FGGY: variants seen among roughly 807,000 people sequenced by gnomAD.
FGGY encodes the protein FGGY carbohydrate kinase domain containing, also known as FGGY carbohydrate kinase domain-containing protein.
Under a neutral mutation model 71.3 loss-of-function variants are expected in FGGY, and 72 were observed. The observed-to-expected ratio is 1.01, with a 90% confidence interval of 0.84 to 1.23. The LOEUF is 1.23. Ranked by LOEUF, FGGY falls within the 50% of genes most tolerant of loss-of-function variation. The pLI is 0.00. For missense variants in FGGY, 668 were observed against 682.3 expected, an observed-to-expected ratio of 0.98 and a Z score of 0.23; for synonymous variants, 251 against 250.3, an observed-to-expected ratio of 1.00 and a Z score of -0.02.
At chr1:59,297,899 C>G (rs2042201564) in intron 1 of FGGY, among the ~76,000 whole-genome samples, 1 of 151,910 alleles carries the variant, frequency 6.6e-6, no homozygotes, top group South Asian at 2.1e-4. Flanking sequence ...ACTTCTGTGT[C>G]TTAACACAAA....
chr1:59,600,332 A>G (rs2096564845), intron 8 of FGGY, among the ~76,000 whole-genome samples: 1 of 152,216 alleles, frequency 6.6e-6, no homozygotes, highest in African/African-American at 2.4e-5. Flanking sequence ...ATAACGTGCC[A>G]TCCTTCATCC....
At chr1:59,381,446 T>C (rs534446714) in intron 5 of FGGY, among the ~76,000 whole-genome samples, 26 of 152,302 alleles carry the variant, frequency 1.7e-4, no homozygotes, top group African/African-American at 6.0e-4. Flanking sequence ...TTTTTCACTT[T>C]TTAAACTTTT....
At chr1:59,469,829 T>G (rs1043129372) in intron 6 of FGGY, among the ~76,000 whole-genome samples, 2 of 152,184 alleles carry the variant, frequency 1.3e-5, no homozygotes, top group South Asian at 4.1e-4. Context: ...AGTTCCCACT[T>G]AAAAGTGAGA....
intron 5 of FGGY, among the ~76,000 whole-genome samples, chr1:59,430,405 C>T (rs1247304970): frequency 3.9e-5 from 6 of 152,008 alleles, no homozygotes; most frequent in African/African-American, 1.4e-4. Flanking sequence ...GGTGTAAAAT[C>T]CCGGTGCAGG....
chr1:59,638,129 A>G (rs2096980287), intron 10 of FGGY, 99 bp from the exon 11 acceptor site: 2 of 1,225,498 alleles, frequency 1.6e-6, no homozygotes, highest in South Asian at 2.9e-5. Context: ...GAGCCTGCTT[A>G]CTTTCCTGGA....
intron 4 of FGGY, among the ~76,000 whole-genome samples, chr1:59,363,564 G>A (rs113109315): frequency 2.4e-4 from 36 of 152,168 alleles, no homozygotes; most frequent in Non-Finnish European, 3.2e-4. Flanking sequence ...CTAGAGCCAG[G>A]ATATTCACTC....
At chr1:59,680,426 G>A (rs1273420603) in intron 14 of FGGY, among the ~76,000 whole-genome samples, 1 of 143,420 alleles carries the variant, frequency 7.0e-6, no homozygotes, top group Non-Finnish European at 1.5e-5. Context: ...TATTCTTATT[G>A]CCACACCTGG....
intron 12 of FGGY, among the ~76,000 whole-genome samples, chr1:59,666,545 T>G (rs902155471): frequency 1.3e-5 from 2 of 152,204 alleles, no homozygotes; most frequent in African/African-American, 4.8e-5. Context: ...ATAATGGTTT[T>G]TACTGAGTTT....
intron 14 of FGGY, among the ~76,000 whole-genome samples, chr1:59,753,266 C>A (rs1042542797): frequency 2.6e-5 from 4 of 151,806 alleles, no homozygotes; most frequent in Non-Finnish European, 5.9e-5. Flanking sequence ...AGATTTCCTG[C>A]AGCCAAGTGG....
intron 6 of FGGY, among the ~76,000 whole-genome samples, chr1:59,462,170 T>G (rs1345938915): frequency 6.6e-6 from 1 of 152,140 alleles, no homozygotes; most frequent in Non-Finnish European, 1.5e-5. Flanking sequence ...TACAACTATC[T>G]GATCTTTGAC....
At chr1:59,726,417 G>A (rs968010575) in intron 14 of FGGY, among the ~76,000 whole-genome samples, 14 of 151,970 alleles carry the variant, frequency 9.2e-5, no homozygotes, top group African/African-American at 3.1e-4. Flanking sequence ...TCTGGTTTTG[G>A]TAATAGGGTA....
intron 11 of FGGY, among the ~76,000 whole-genome samples, chr1:59,643,990 A>G (rs12082002): frequency 2.6e-5 from 4 of 152,180 alleles, no homozygotes; most frequent in Admixed American, 6.5e-5. Context: ...GAGTTTAAAC[A>G]TGCATTATAC....
intron 2 of FGGY, among the ~76,000 whole-genome samples, chr1:59,336,284 C>T (rs954084858): frequency 4.6e-5 from 7 of 152,044 alleles, no homozygotes; most frequent in African/African-American, 1.7e-4. Flanking sequence ...AGCCAATTGC[C>T]ATAAATGGGT....
At chr1:59,625,636 G>C (rs1247830435) in intron 9 of FGGY, among the ~76,000 whole-genome samples, 1 of 152,094 alleles carries the variant, frequency 6.6e-6, no homozygotes, top group East Asian at 1.9e-4. Flanking sequence ...ATCCAGAAAA[G>C]GTTGGTGCTT....
intron 6 of FGGY, among the ~76,000 whole-genome samples, chr1:59,497,776 A>G (rs755301807): frequency 5.3e-5 from 8 of 152,092 alleles, no homozygotes; most frequent in Non-Finnish European, 1.0e-4. Context: ...TCCCCATGTC[A>G]GTTGGCTCAC....
chr1:59,671,521 T>C (rs1180231192), intron 13 of FGGY, among the ~76,000 whole-genome samples: 1 of 152,084 alleles, frequency 6.6e-6, no homozygotes, highest in African/African-American at 2.4e-5. Context: ...TCTCCCAGGC[T>C]CAGAGTAGGT....
rs185292092 is a variant in FGGY at position 59,329,280 on chromosome 1, G to A, written c.201+7530G>A. Among the ~76,000 whole-genome samples, 140 of 152,112 alleles carry A rather than the reference G, an allele frequency of 9.2e-4. 5 individuals are homozygous for A. In the South Asian group the frequency reaches 0.021, roughly 23 times the overall value. ...ATAAATGTTTTGTTTGTGCTGTACC[G>A]TAGTCTATTAAGTGTGCAATAGCAC... On this transcript the variant is annotated intron_variant, in intron 2 of 15. Transcript: ENST00000303721.
chr1:59,510,882 A>G (rs896458371), intron 6 of FGGY, among the ~76,000 whole-genome samples: 4 of 152,238 alleles, frequency 2.6e-5, no homozygotes, highest in African/African-American at 9.6e-5. Context: ...GTAGATTCGC[A>G]TACCCAAGTT....
At chr1:59,461,599 C>T (rs528485733) in intron 6 of FGGY, among the ~76,000 whole-genome samples, 26 of 152,060 alleles carry the variant, frequency 1.7e-4, no homozygotes, top group African/African-American at 5.8e-4. Flanking sequence ...AAGAGCAACC[C>T]CAAGACACAT....
Sources: gnomAD v4.1 joint callset for allele counts (sites outside exome capture counted in the v4.1 genomes callset) on GRCh38, gnomAD v4.1.1 for gene constraint, MANE v1.5 for transcripts, NCBI Gene and HGNC (gene_info 2026-07-23, HGNC 2026-07-21) for gene names.